NEK11: variants seen among roughly 807,000 people sequenced by gnomAD.
The protein encoded by NEK11 is NIMA related kinase 11, also known as serine/threonine-protein kinase Nek11.
A neutral mutation model predicts 80.7 loss-of-function variants in NEK11; 72 were observed. The ratio of observed to expected loss-of-function variants is 0.89; its 90% CI spans 0.74 to 1.08. The LOEUF (loss-of-function observed/expected upper bound fraction) is 1.08. NEK11 is among the 50% of genes least tolerant of loss of function. NEK11 has a pLI of 0.00. For missense variants in NEK11, 764 were observed against 763.6 expected (o/e 1.00, Z -0.01); for synonymous variants, 251 against 260.7 (o/e 0.96, Z 0.36).
intron 16 of NEK11, among the ~76,000 whole-genome samples, chr3:131,267,539 G>A (rs1338016400): frequency 6.6e-6 from 1 of 151,964 alleles, no homozygotes; most frequent in South Asian, 2.1e-4. Context: ...TGGCTTGTAG[G>A]GTTTCTGCTG....
At chr3:131,152,742 G>A in intron 9 of NEK11, 33 bp downstream of exon 9, 1 of 1,434,906 alleles carries the variant, frequency 7.0e-7, no homozygotes, top group Non-Finnish European at 9.8e-7. Flanking sequence ...TGGGAAACAG[G>A]TATGAGCATT....
chr3:131,175,041 T>C, intron 14 of NEK11: 1 of 1,269,910 alleles, frequency 7.9e-7, no homozygotes, highest in Non-Finnish European at 9.9e-7. Context: ...GAGCCCCACA[T>C]GCCCTTTACA....
intron 16 of NEK11, among the ~76,000 whole-genome samples, chr3:131,246,330 C>T (rs1485258926): frequency 6.6e-6 from 1 of 152,022 alleles, no homozygotes; most frequent in African/African-American, 2.4e-5. Context: ...GCTTAGCTCT[C>T]ACATGAGTGA....
At chr3:131,121,580 A>AGTGGT (rs2082380923) in intron 5 of NEK11, among the ~76,000 whole-genome samples, 1 of 152,148 alleles carries the variant, frequency 6.6e-6, no homozygotes, top group African/African-American at 2.4e-5. Context: ...CCCTGCCCCC[A>AGTGGT]GTGGTGGAGT....
At chr3:131,265,086 G>T (rs1187400917) in intron 16 of NEK11, among the ~76,000 whole-genome samples, 3 of 152,224 alleles carry the variant, frequency 2.0e-5, no homozygotes, top group African/African-American at 7.2e-5. Context: ...CTTTGCTGAA[G>T]TTGCTTATCA....
intron 4 of NEK11, among the ~76,000 whole-genome samples, chr3:131,093,819 C>T (rs533421329): frequency 4.1e-4 from 62 of 152,032 alleles, no homozygotes; most frequent in African/African-American, 1.3e-3. Context: ...ATGACATAGT[C>T]AACATTCAGT....
intron 14 of NEK11, among the ~76,000 whole-genome samples, chr3:131,186,542 G>A (rs962082373): frequency 5.3e-5 from 8 of 152,274 alleles, no homozygotes; most frequent in Admixed American, 3.9e-4. Context: ...GGATACCACT[G>A]TTATATCCAG....
intron 17 of NEK11, among the ~76,000 whole-genome samples, chr3:131,301,336 A>T (rs2096659093): frequency 6.6e-6 from 1 of 151,726 alleles, no homozygotes; most frequent in Non-Finnish European, 1.5e-5. Context: ...AGATAGTTTG[A>T]TTTCTTCTCC....
chr3:131,320,577 C>A (rs369539423), intron 17 of NEK11, among the ~76,000 whole-genome samples: 7 of 151,932 alleles, frequency 4.6e-5, no homozygotes, highest in Admixed American at 2.6e-4. Context: ...GATGGTAACT[C>A]CTTCTACAGT....
intron 14 of NEK11, among the ~76,000 whole-genome samples, chr3:131,206,104 C>G (rs961562305): frequency 1.3e-5 from 2 of 152,292 alleles, no homozygotes; most frequent in Non-Finnish European, 2.9e-5. Flanking sequence ...CCAAAAGAAG[C>G]CTTGTACAGG....
chr3:131,226,720 T>C (rs2095210845), intron 14 of NEK11, among the ~76,000 whole-genome samples: 1 of 151,960 alleles, frequency 6.6e-6, no homozygotes, highest in Admixed American at 6.6e-5. Context: ...AGACTACATA[T>C]TGGGTACAGT....
chr3:131,181,279 A>G (rs1323674330), intron 14 of NEK11, among the ~76,000 whole-genome samples: 2 of 152,224 alleles, frequency 1.3e-5, no homozygotes, highest in Non-Finnish European at 2.9e-5. Flanking sequence ...CTAGCTTTGA[A>G]GATGGAGGAA....
chr3:131,313,201 A>T (rs375895089), intron 17 of NEK11, among the ~76,000 whole-genome samples: 90 of 152,204 alleles, frequency 5.9e-4, no homozygotes, highest in African/African-American at 2.0e-3. Flanking sequence ...TATGTACCAC[A>T]TTTTCTTTAT....
Position 131,152,437 on chromosome 3 carries a change from G to T in NEK11, c.697G>T (p.Ala233Ser). 6.2e-7 allele frequency: 1 copy of T among 1,613,544 alleles called. No individual in the cohort carries two copies. Among genetic ancestry groups the T allele is most frequent in the Non-Finnish European group, 8.5e-7 (1 of 1,179,640 alleles). The change falls in exon 8 of 18, where the codon GCT (alanine) becomes TCT (serine). Residue 233 changes from alanine to serine, a missense_variant. By Grantham distance (99) the Ala-to-Ser change is moderately conservative. Coordinates refer to ENST00000383366, the MANE Select transcript of NEK11 (RefSeq NM_024800.5). ...GATGTGCTGCATGAATCATGCATTC[G>T]CTGGCTCCAATTTCTTATCCATTGT... ...YEMCCMNHAF[A>S]GSNFLSIVLK...
intron 3 of NEK11, among the ~76,000 whole-genome samples, chr3:131,061,959 C>T (rs1028818025): frequency 2.6e-5 from 4 of 152,128 alleles, no homozygotes; most frequent in Non-Finnish European, 5.9e-5. Context: ...CAGACTGTAG[C>T]GTACACCATG....
chr3:131,044,263 G>A (rs537184501), intron 3 of NEK11, among the ~76,000 whole-genome samples: 1 of 152,144 alleles, frequency 6.6e-6, no homozygotes, highest in African/African-American at 2.4e-5. Flanking sequence ...AACCTCAAAT[G>A]TAAATGGGCT....
At chr3:131,147,802 CT>C (rs1272715677) in intron 7 of NEK11, among the ~76,000 whole-genome samples, 1 of 151,904 alleles carries the variant, frequency 6.6e-6, no homozygotes, top group East Asian at 1.9e-4. Context: ...TAATGACAGT[CT>C]AATGTTTTCT....
intron 14 of NEK11, among the ~76,000 whole-genome samples, chr3:131,202,126 T>A (rs1035899573): frequency 2.0e-5 from 3 of 152,094 alleles, no homozygotes; most frequent in African/African-American, 7.2e-5. Context: ...CAAGGGTCCA[T>A]TCCAAGAGGG....
intron 17 of NEK11, among the ~76,000 whole-genome samples, chr3:131,301,582 A>G (rs1029214884): frequency 6.6e-6 from 1 of 152,002 alleles, no homozygotes; most frequent in Non-Finnish European, 1.5e-5. Context: ...GATTTTTAAC[A>G]TGAACATATG....
Sources: allele counts gnomAD v4.1 joint callset (sites outside exome capture counted in the v4.1 genomes callset), GRCh38; gene constraint gnomAD v4.1.1; transcripts MANE v1.5; gene names NCBI Gene and HGNC (gene_info 2026-07-23, HGNC 2026-07-21).